Variants in TDRKH observed in about 807,000 individuals in gnomAD.
The protein encoded by TDRKH is tudor and KH domain containing.
TDRKH carries 28 observed loss-of-function variants against 61.3 expected under a neutral mutation model. The ratio of observed to expected loss-of-function variants is 0.46; its 90% CI spans 0.34 to 0.63. The LOEUF is 0.63. TDRKH is among the 20% of genes least tolerant of loss of function. TDRKH has a pLI of 0.01. For missense variants in TDRKH, 540 were observed against 683.4 expected, an observed-to-expected ratio of 0.79 and a Z score of 2.34; for synonymous variants, 219 against 244.4, an observed-to-expected ratio of 0.90 and a Z score of 0.97.
chr1:151,767,266 G>C, downstream of TDRKH: 1 of 1,613,976 alleles, frequency 6.2e-7, no homozygotes, highest in Non-Finnish European at 8.5e-7. Flanking sequence ...GCACCGAGCA[G>C]GGTAACCACG....
chr1:151,774,968 C>T, intron 11 of TDRKH, 97 bp downstream of exon 11: 1 of 1,433,142 alleles, frequency 7.0e-7, no homozygotes. Flanking sequence ...GCTCAAAGTC[C>T]TTAGGAAAGC....
chr1:151,776,000 G>C, intron 8 of TDRKH, 96 bp downstream of exon 8: 1 of 1,567,702 alleles, frequency 6.4e-7, no homozygotes, highest in Non-Finnish European at 8.7e-7. Context: ...CTGTAAACAG[G>C]TTCCCTTCCA....
chr1:151,780,181 C>T, intron 3 of TDRKH, 41 bp from the exon 4 acceptor site: 2 of 1,590,090 alleles, frequency 1.3e-6, no homozygotes, highest in Non-Finnish European at 1.7e-6. Context: ...TCTGGAAGAG[C>T]TCCCATTTGA....
intron 4 of TDRKH, among the ~76,000 whole-genome samples, chr1:151,779,540 G>A (rs1400402217): frequency 6.6e-6 from 1 of 152,142 alleles, no homozygotes; most frequent in Non-Finnish European, 1.5e-5. Flanking sequence ...ATGCTACATA[G>A]TGTGTCAGAA....
downstream of TDRKH, among the ~76,000 whole-genome samples, chr1:151,773,317 A>G (rs902151309): frequency 6.6e-6 from 1 of 152,194 alleles, no homozygotes; most frequent in Non-Finnish European, 1.5e-5. Context: ...TACCGTGCCC[A>G]GCCAGTGAAT....
intron 1 of TDRKH, among the ~76,000 whole-genome samples, chr1:151,786,610 C>G (rs1168476373): frequency 6.6e-6 from 1 of 152,172 alleles, no homozygotes; most frequent in African/African-American, 2.4e-5. Context: ...CATCTGGCCT[C>G]ACAGCTTTAC....
chr1:151,789,228 C>T (rs2101631566), intron 1 of TDRKH, among the ~76,000 whole-genome samples: 1 of 152,280 alleles, frequency 6.6e-6, no homozygotes, highest in African/African-American at 2.4e-5. Flanking sequence ...AACTCCTCTT[C>T]AAACATTACA....
At chr1:151,768,446 G>A (rs947721136), downstream of TDRKH, among the ~76,000 whole-genome samples, 1 of 152,172 alleles carries the variant, frequency 6.6e-6, no homozygotes, top group East Asian at 1.9e-4. Flanking sequence ...GTTGAATAAC[G>A]GGAAGTACTT....
intron 1 of TDRKH, among the ~76,000 whole-genome samples, chr1:151,784,728 C>T (rs986135849): frequency 2.6e-5 from 4 of 152,120 alleles, no homozygotes; most frequent in African/African-American, 7.2e-5. Context: ...ACCTCACTTT[C>T]TTGGTGATCT....
Position 151,783,122 on chromosome 1 carries a change from G to A in TDRKH, c.-27-73C>T, listed in dbSNP as rs887763481. On this transcript the variant is annotated intron_variant, in intron 1 of 12. Coordinates refer to ENST00000368824, the MANE Select transcript of TDRKH (RefSeq NM_001083965.2). Reference sequence around the variant, plus strand: ...TTATGAATAGCAGAGAGGCATGGGAGCACATTATTACTGAAAAGACTACTA... The same window carrying A: ...TTATGAATAGCAGAGAGGCATGGGAACACATTATTACTGAAAAGACTACTA... The A allele has an allele frequency of 7.1e-6, 10 of 1,414,154 alleles. No individual in the cohort carries two copies. In the East Asian group the frequency reaches 1.7e-4, roughly 25 times the overall value. The allele number at this position is 1,414,154 out of a possible 1,614,324, so 87.6% of individuals were successfully genotyped here.
chr1:151,773,375 G>C (rs1326224339), downstream of TDRKH: 1 of 152,606 alleles, frequency 6.6e-6, no homozygotes, highest in Non-Finnish European at 1.5e-5. Flanking sequence ...TGTGTATATG[G>C]GAGGGACACT....
intron 1 of TDRKH, among the ~76,000 whole-genome samples, chr1:151,786,488 G>A (rs764091645): frequency 3.3e-5 from 5 of 152,138 alleles, no homozygotes; most frequent in Non-Finnish European, 7.4e-5. Context: ...AATTGTTTAC[G>A]TATGGAACTT....
chr1:151,789,187 CT>C (rs1288890936), intron 1 of TDRKH, among the ~76,000 whole-genome samples: 2 of 152,164 alleles, frequency 1.3e-5, no homozygotes, highest in African/African-American at 4.8e-5. Flanking sequence ...TTTTGGCCGA[CT>C]TCTATTTGAA....
At chr1:151,781,295 C>A (rs1397624013) in intron 3 of TDRKH, among the ~76,000 whole-genome samples, 186 bp downstream of exon 3, 1 of 94,756 alleles carries the variant, frequency 1.1e-5, no homozygotes, top group Non-Finnish European at 2.6e-5. Flanking sequence ...CCAGCCTGGA[C>A]AACAAGAGCG....
At chr1:151,775,950 A>G in intron 8 of TDRKH, 66 bp from the exon 9 acceptor site, 1 of 1,587,538 alleles carries the variant, frequency 6.3e-7, no homozygotes, top group Non-Finnish European at 8.6e-7. Flanking sequence ...TGCTGCTTTC[A>G]GAAAGAACCA....
intron 1 of TDRKH, among the ~76,000 whole-genome samples, chr1:151,789,026 A>C (rs1650627422): frequency 6.6e-6 from 1 of 152,180 alleles, no homozygotes; most frequent in Non-Finnish European, 1.5e-5. Flanking sequence ...AATGATGGAG[A>C]TGGAGAACAG....
intron 2 of TDRKH, 101 bp from the exon 3 acceptor site, chr1:151,781,688 C>A: frequency 1.0e-6 from 1 of 986,414 alleles, no homozygotes; most frequent in Non-Finnish European, 1.5e-6. Flanking sequence ...GACACTGATC[C>A]AAGAGATAAA....
intron 6 of TDRKH, 142 bp downstream of exon 6, chr1:151,778,543 A>G: frequency 6.5e-7 from 1 of 1,550,062 alleles, no homozygotes; most frequent in South Asian, 1.1e-5. Flanking sequence ...CATCTTCAAA[A>G]TATCTTACCG....
rs369680847 is a variant in TDRKH at position 151,778,791 on chromosome 1, G to A, written c.777C>T (p.Gly259=). Residue 259 remains glycine, a synonymous_variant, in exon 6 of 13, where the codon GGC becomes GGT. Coordinates refer to ENST00000368824, the MANE Select transcript of TDRKH (RefSeq NM_001083965.2). Reference sequence around the variant, plus strand: ...CCTTTGACACTACCACAGCCATGTCGCCTCCTCCTTTGGGTGGAGGAGTCA... The same window carrying A: ...CCTTTGACACTACCACAGCCATGTCACCTCCTCCTTTGGGTGGAGGAGTCA... ...PLVTPPPKGG[G]DMAVVVSKEG... The A allele has an allele frequency of 4.2e-5, 67 of 1,614,144 alleles. 1 individual carries two copies. In the African/African-American group the frequency reaches 7.2e-4, roughly 17 times the overall value.
Sources: allele counts gnomAD v4.1 joint callset (sites outside exome capture counted in the v4.1 genomes callset), GRCh38; gene constraint gnomAD v4.1.1; transcripts MANE v1.5; gene names NCBI Gene and HGNC (gene_info 2026-07-23, HGNC 2026-07-21).